PROSER3: variants seen among roughly 807,000 people sequenced by gnomAD.
The protein encoded by PROSER3 is proline and serine rich 3, also known as proline and serine-rich protein 3.
In PROSER3, 33 loss-of-function variants were observed where a neutral mutation model predicts 50.2. That is an observed-to-expected ratio of 0.66 (90% confidence interval 0.50 to 0.88). The LOEUF (loss-of-function observed/expected upper bound fraction) is 0.88, where lower values mean the gene tolerates loss of function less well. PROSER3 is among the 40% of genes least tolerant of loss of function. The pLI is 0.00. For synonymous variants in PROSER3, 266 were observed against 259.3 expected, an observed-to-expected ratio of 1.03 and a Z score of -0.25; for missense variants, 623 against 612.7, an observed-to-expected ratio of 1.02 and a Z score of -0.18.
intron 5 of PROSER3, among the ~76,000 whole-genome samples, chr19:35,764,512 C>T (rs1020259583): frequency 5.9e-5 from 9 of 152,072 alleles, no homozygotes; most frequent in African/African-American, 1.9e-4. Context: ...CAAAATTAGC[C>T]GAGCGTGGTG....
exon 3 of PROSER3, chr19:35,759,860 C>A (rs1247035014): frequency 2.5e-6 from 4 of 1,581,922 alleles, no homozygotes. Flanking sequence ...CAGGTCCCAA[C>A]TCCCCTGAGC....
rs765213243 is a variant in PROSER3, at chr19:35,765,177, G to C, written c.769+1G>C. 6.2e-7 allele frequency: 1 copy of C among 1,612,706 alleles called. No individual in the cohort carries two copies. Among genetic ancestry groups the C allele is most frequent in the Non-Finnish European group, 8.5e-7 (1 of 1,179,814 alleles). On this transcript the variant is annotated splice_donor_variant, in intron 7 of 10. Coordinates refer to ENST00000396908, the Ensembl canonical transcript of PROSER3. LOFTEE classifies it high-confidence loss of function. ...AAGGGCCTTGGCCCCAGGGCACCCG[G>C]TAAGGGCTGAGAGGCAAAGACTGAG...
chr19:35,759,621 C>A, intron 2 of PROSER3, 151 bp downstream of exon 2: 1 of 978,278 alleles, frequency 1.0e-6, no homozygotes, highest in Non-Finnish European at 1.5e-6. Flanking sequence ...TTGTCCCCCT[C>A]TCTACCACCT....
chr19:35,764,122 G>A (rs1033828025), intron 5 of PROSER3, among the ~76,000 whole-genome samples: 6 of 151,932 alleles, frequency 3.9e-5, no homozygotes, highest in African/African-American at 1.5e-4. Context: ...AGTCCCAGGC[G>A]GGCTTTCCCC....
intron 7 of PROSER3, among the ~76,000 whole-genome samples, chr19:35,765,421 C>T (rs746948640): frequency 3.4e-4 from 51 of 152,220 alleles, no homozygotes; most frequent in Admixed American, 9.2e-4. Flanking sequence ...AAATTAGCCA[C>T]GCGTGGTACA....
At chr19:35,759,211 TC>T (rs1970871315) in intron 1 of PROSER3, 162 bp from the exon 2 acceptor site, 1 of 631,504 alleles carries the variant, frequency 1.6e-6, no homozygotes, top group African/African-American at 1.8e-5. Context: ...GACTCACCCT[TC>T]CACTGTCGAT....
At chr19:35,768,377 G>A (rs748398933) in intron 10 of PROSER3, 27 bp from the exon 11 acceptor site, 7 of 1,589,954 alleles carry the variant, frequency 4.4e-6, no homozygotes, top group African/African-American at 2.7e-5. Context: ...ACATACCCCA[G>A]CCTCTGCTCT....
exon 3 of PROSER3, chr19:35,759,941 G>T (rs116498218): frequency 1.9e-6 from 3 of 1,607,200 alleles, no homozygotes; most frequent in Non-Finnish European, 2.5e-6. Flanking sequence ...GACAGATGTG[G>T]GCCTCCCCAG....
intron 2 of PROSER3, 109 bp from the exon 3 acceptor site, chr19:35,759,680 A>T: frequency 8.9e-7 from 1 of 1,126,496 alleles, no homozygotes. Context: ...TCATTACAGG[A>T]TGTGTTTCCT....
downstream of PROSER3, among the ~76,000 whole-genome samples, chr19:35,770,554 G>A (rs188349173): frequency 2.6e-4 from 40 of 152,300 alleles, no homozygotes; most frequent in Non-Finnish European, 4.3e-4. Flanking sequence ...AGGAAGTGAT[G>A]CAGCTTAACT....
At chr19:35,768,731 G>T in exon 11 of PROSER3, 1 of 606,024 alleles carries the variant, frequency 1.7e-6, no homozygotes, top group Non-Finnish European at 2.6e-6. Flanking sequence ...ACGGAAACAA[G>T]ATCTCCTTTC....
At chr19:35,769,160 T>G (rs953857191) in exon 11 of PROSER3, 4 of 152,224 alleles carry the variant, frequency 2.6e-5, no homozygotes, top group African/African-American at 9.7e-5. Flanking sequence ...TCCTCAAATT[T>G]CTGTCTGTAA....
chr19:35,768,051 T>C (rs1971228343), exon 9 of PROSER3: 1 of 1,582,384 alleles, frequency 6.3e-7, no homozygotes, highest in Non-Finnish European at 8.6e-7. Context: ...GCCCTGCTGC[T>C]GCAGGCTGCA....
Position 35,764,948 on chromosome 19 carries a change from C to T in PROSER3, c.626+12C>T. The T allele has an allele frequency of 6.2e-7, 1 of 1,613,558 alleles. No individual in the cohort carries two copies. Among genetic ancestry groups the T allele is most frequent in the African/African-American group, 1.3e-5 (1 of 75,064 alleles). On this transcript the variant is annotated intron_variant, in intron 6 of 10. Transcript: ENST00000396908. ...CTGCTCAAACGCAGGTGCCCGCACC[C>T]CTGCCCCCATCACCCTTCCTACTGC...
chr19:35,768,026 C>A (rs1415749697), exon 9 of PROSER3: 29 of 1,583,670 alleles, frequency 1.8e-5, no homozygotes, highest in Non-Finnish European at 2.5e-5. Flanking sequence ...CTCGGAGGCC[C>A]TGCTTGCCCA....
chr19:35,759,164 G>A, intron 1 of PROSER3: 1 of 538,562 alleles, frequency 1.9e-6, no homozygotes, highest in Non-Finnish European at 3.3e-6. Context: ...TTCCTGAGTT[G>A]CTCCCTGTTA....
At position 35,767,905 on chromosome 19, in the gene PROSER3, C is replaced by G. The variant is rs756179718; in HGVS notation, c.1059C>G (p.Val353=). The G allele has an allele frequency of 2.5e-6, 4 of 1,612,894 alleles. No homozygotes were observed. In the Admixed American group the frequency reaches 6.7e-5, roughly 27 times the overall value. Reference sequence around the variant, plus strand: ...CTGGAGCCTGCCTGCAGCCCGAGGTCCCACTCTCTCCAGCTGAGCAGGCAA... The same window carrying G: ...CTGGAGCCTGCCTGCAGCCCGAGGTGCCACTCTCTCCAGCTGAGCAGGCAA... Residue 353 remains valine, a synonymous_variant, in exon 9 of 11, where the codon GTC becomes GTG. Transcript: ENST00000396908.
At chr19:35,765,529 G>A (rs1440000737) in intron 7 of PROSER3, among the ~76,000 whole-genome samples, 6 of 152,044 alleles carry the variant, frequency 3.9e-5, no homozygotes, top group East Asian at 3.9e-4. Context: ...GCAGTGAGCC[G>A]AGATTGCGCC....
chr19:35,767,950 G>C (rs762205835), exon 9 of PROSER3: 2 of 1,610,144 alleles, frequency 1.2e-6, no homozygotes, highest in Non-Finnish European at 8.5e-7. Flanking sequence ...AGGCCTCGCC[G>C]CCAGCCTTCC....
Sources: allele counts gnomAD v4.1 joint callset (sites outside exome capture counted in the v4.1 genomes callset), GRCh38; gene constraint gnomAD v4.1.1; transcripts MANE v1.5; gene names NCBI Gene and HGNC (gene_info 2026-07-23, HGNC 2026-07-21).